BCAS3: variants seen among roughly 807,000 people sequenced by gnomAD.
BCAS3 encodes the protein BCAS3 microtubule associated cell migration factor.
Under a neutral mutation model 116.1 loss-of-function variants are expected in BCAS3, and 53 were observed. The observed-to-expected ratio is 0.46, with a 90% CI of 0.37 to 0.57. BCAS3 has a LOEUF of 0.57. Ranked by LOEUF, BCAS3 falls within the 20% of genes least tolerant of loss-of-function variation. BCAS3 has a pLI of 0.00. For missense variants in BCAS3, 917 were observed against 1,165.4 expected (o/e 0.79, Z 3.10); for synonymous variants, 391 against 408.2 (o/e 0.96, Z 0.51).
chr17:61,167,038 C>T lies in BCAS3; in HGVS notation c.2425+82474C>T, dbSNP rs564611377. 7.9e-5 allele frequency among the ~76,000 whole-genome samples: 12 copies of T among 152,312 alleles called. No homozygotes were observed. The South Asian group carries it at 1.0e-3, about 13-fold the overall frequency. ...CTGGGATTACAGGCAGGAGCTACCA[C>T]GCCCAGCCGAGCACTTCCTTAAAGA... On this transcript the variant is annotated intron_variant, in intron 22 of 23. Transcript: ENST00000407086.
intron 11 of BCAS3, among the ~76,000 whole-genome samples, chr17:60,903,388 T>G (rs1005139471): frequency 2.0e-5 from 3 of 152,258 alleles, no homozygotes; most frequent in Non-Finnish European, 4.4e-5. Flanking sequence ...ATGATGCGCT[T>G]CAGAATGTGT....
chr17:61,160,739 TCTAGTTAAAA>T (rs1294929331), intron 22 of BCAS3, among the ~76,000 whole-genome samples: 1 of 152,162 alleles, frequency 6.6e-6, no homozygotes, highest in Non-Finnish European at 1.5e-5. Context: ...CTATGGTCAC[TCTAGTTAAAA>T]CTGTGACCTT....
intron 22 of BCAS3, among the ~76,000 whole-genome samples, chr17:61,360,585 C>T (rs190333190): frequency 2.1e-4 from 32 of 152,322 alleles, no homozygotes; most frequent in African/African-American, 5.8e-4. Flanking sequence ...CAGGATAACT[C>T]ACATCTGTCT....
chr17:61,190,526 C>CA (rs71148387), intron 22 of BCAS3, among the ~76,000 whole-genome samples: 31,725 of 43,842 alleles, frequency 0.72, 12,061 homozygotes, highest in South Asian at 0.86. Context: ...GACTCCATCT[C>CA]AAAAAAAAAA....
chr17:60,695,103 T>C, intron 4 of BCAS3, among the ~76,000 whole-genome samples: 1 of 151,956 alleles, frequency 6.6e-6, no homozygotes, highest in Non-Finnish European at 1.5e-5. Flanking sequence ...CATGCTTCAT[T>C]GTATGTATAT....
intron 4 of BCAS3, among the ~76,000 whole-genome samples, chr17:60,706,550 G>T (rs900690352): frequency 2.0e-5 from 3 of 152,078 alleles, no homozygotes; most frequent in African/African-American, 7.2e-5. Flanking sequence ...GTTATACATG[G>T]TGGCTCATGC....
In BCAS3 at chr17:61,032,019, C is replaced by T. The variant is rs976403284; in HGVS notation, c.1638-2647C>T. On this transcript the variant is annotated intron_variant, in intron 16 of 23. Transcript: ENST00000407086. This position sits in a 1 kb window ranked among gnomAD's most constrained non-coding sequence, Gnocchi z 4.6. ...TAGCTTTTGACATGAGCTGATTAGA[C>T]TCTAAACTAGTAAACATACAAAAAA... is the stretch of plus-strand genomic sequence containing the variant. Among the ~76,000 whole-genome samples, 4 of 152,020 alleles carry T rather than the reference C, an allele frequency of 2.6e-5. No individual in the cohort carries two copies. Among genetic ancestry groups the T allele is most frequent in the Admixed American group, 6.6e-5 (1 of 15,252 alleles).
intron 23 of BCAS3, among the ~76,000 whole-genome samples, chr17:61,372,681 C>T (rs776481344): frequency 2.0e-5 from 3 of 152,202 alleles, no homozygotes; most frequent in Admixed American, 6.5e-5. Flanking sequence ...GGTCCCCGAG[C>T]ATACGCAGTC....
intron 22 of BCAS3, among the ~76,000 whole-genome samples, chr17:61,190,893 G>A (rs898483442): frequency 5.9e-5 from 9 of 151,994 alleles, no homozygotes; most frequent in African/African-American, 9.7e-5. Context: ...GTGAGCCACC[G>A]TGCCTGGACT....
chr17:61,078,505 A>G lies in BCAS3; in HGVS notation c.2303A>G (p.Asp768Gly). ...TPQPLLDFDT[D>G]DLDLNSLRIQ... Reference sequence around the variant, plus strand: ...CAGCCTCTTTTGGATTTTGATACAGATGATCTTGATCTCAACAGTCTCAGG... The same window carrying G: ...CAGCCTCTTTTGGATTTTGATACAGGTGATCTTGATCTCAACAGTCTCAGG... The change falls in exon 21 of 24, where the codon GAT becomes GGT. Residue 768 changes from aspartate to glycine, a missense_variant. Physicochemically the swap from Asp to Gly is moderately conservative, Grantham distance 94. Around this residue, in one of 3 missense-constraint regions of BCAS3, gnomAD observed 807 missense variants for 1,026.0 expected, o/e 0.79. Coordinates refer to ENST00000407086, the MANE Select transcript of BCAS3 (RefSeq NM_017679.5). The G allele has an allele frequency of 6.2e-7, 1 of 1,614,070 alleles. No homozygotes were observed. The highest frequency in any genetic ancestry group is 8.5e-7 in the Non-Finnish European group (1 of 1,179,930).
At chr17:60,873,117 T>C (rs1310982442) in intron 8 of BCAS3, among the ~76,000 whole-genome samples, 1 of 152,172 alleles carries the variant, frequency 6.6e-6, no homozygotes, top group Admixed American at 6.5e-5. Context: ...TTCTAAAATT[T>C]GATATTATCA....
chr17:60,691,866 A>G (rs2034868859), intron 4 of BCAS3, among the ~76,000 whole-genome samples: 1 of 152,084 alleles, frequency 6.6e-6, no homozygotes, highest in Non-Finnish European at 1.5e-5. Flanking sequence ...AGAGTAAAAC[A>G]TTAGTTTTTA....
Position 61,366,768 on chromosome 17 carries a change from C to A in BCAS3, c.2426-1559C>A, listed in dbSNP as rs139699790. On this transcript the variant is annotated intron_variant, in intron 22 of 23. Coordinates refer to ENST00000407086, the MANE Select transcript of BCAS3 (RefSeq NM_017679.5). The surrounding 1 kb of genome is among the most constrained non-coding windows in gnomAD (Gnocchi z 4.5). ...GCCCTTATAGATGCTGCCCATTCTC[C>A]CAGTGCCAGGAATCTTCCCTACAAT... Among the ~76,000 whole-genome samples, 3 of 152,192 alleles carry A rather than the reference C, an allele frequency of 2.0e-5. No homozygotes were observed. Among genetic ancestry groups the A allele is most frequent in the African/African-American group, 7.2e-5 (3 of 41,448 alleles).
intron 13 of BCAS3, among the ~76,000 whole-genome samples, chr17:60,927,213 A>G (rs945369874): frequency 6.7e-6 from 1 of 148,642 alleles, no homozygotes; most frequent in East Asian, 1.9e-4. Flanking sequence ...GTATTTTTAA[A>G]TTCTTTTATT....
At chr17:60,876,516 G>A (rs2055624064) in intron 9 of BCAS3, among the ~76,000 whole-genome samples, 1 of 152,010 alleles carries the variant, frequency 6.6e-6, no homozygotes, top group Non-Finnish European at 1.5e-5. Context: ...CCCACTGTCT[G>A]TTTGTAGAAC....
In BCAS3 at chr17:61,136,365, T is replaced by C. The variant is rs2076637734; in HGVS notation, c.2425+51801T>C. The stretch of plus-strand genomic sequence containing the variant: ...ACAGATACTGTCTCTTCTTCATCTC[T>C]ATATCTGTAGAACAGGGTTTCTCAG... On this transcript the variant is annotated intron_variant, in intron 22 of 23. Transcript: ENST00000407086. This position sits in a 1 kb window ranked among gnomAD's most constrained non-coding sequence, Gnocchi z 4.4. 2.6e-5 allele frequency among the ~76,000 whole-genome samples: 4 copies of C among 152,206 alleles called. No individual in the cohort carries two copies. Among genetic ancestry groups the C allele is most frequent in the African/African-American group, 7.2e-5 (3 of 41,446 alleles).
At chr17:61,247,584 C>T (rs2048069960) in intron 22 of BCAS3, among the ~76,000 whole-genome samples, 1 of 152,072 alleles carries the variant, frequency 6.6e-6, no homozygotes, top group Non-Finnish European at 1.5e-5. Context: ...TACTGGTGAC[C>T]ACAATACCAC....
intron 14 of BCAS3, among the ~76,000 whole-genome samples, chr17:60,954,775 C>T: frequency 6.6e-6 from 1 of 152,058 alleles, no homozygotes; most frequent in Non-Finnish European, 1.5e-5. Flanking sequence ...AATATTTTTA[C>T]CTTCTTGAGG....
chr17:60,799,960 C>G (rs180969356), intron 6 of BCAS3, among the ~76,000 whole-genome samples: 8 of 151,976 alleles, frequency 5.3e-5, no homozygotes, highest in Admixed American at 6.6e-5. Flanking sequence ...TTAGTATTTC[C>G]TGGTATGGAT....
Sources: allele counts gnomAD v4.1 joint callset (sites outside exome capture counted in the v4.1 genomes callset), GRCh38; gene constraint gnomAD v4.1.1; regional missense constraint gnomAD v4.1.1; non-coding constraint Gnocchi (gnomAD v3.1); transcripts MANE v1.5; gene names NCBI Gene and HGNC (gene_info 2026-07-23, HGNC 2026-07-21).